SLC35A3: variants seen among roughly 807,000 people sequenced by gnomAD.
The protein encoded by SLC35A3 is solute carrier family 35 member A3, also known as UDP-N-acetylglucosamine transporter.
Under a neutral mutation model 39.0 loss-of-function variants are expected in SLC35A3, and 26 were observed. That is an observed-to-expected ratio of 0.67 (90% CI 0.49 to 0.92). SLC35A3 has a LOEUF of 0.92. SLC35A3 is among the 40% of genes least tolerant of loss of function. SLC35A3 has a pLI of 0.00. For missense variants in SLC35A3, 299 were observed against 371.6 expected, an observed-to-expected ratio of 0.80 and a Z score of 1.61; for synonymous variants, 135 against 133.1, an observed-to-expected ratio of 1.01 and a Z score of -0.10.
At position 100,024,972 on chromosome 1, in the gene SLC35A3, T is replaced by C. The variant is rs1367017892; in HGVS notation, c.*2496T>C. On this transcript the variant is annotated 3_prime_UTR_variant, in exon 8 of 8. Transcript: ENST00000533028. Reference sequence around the variant, plus strand: ...TGCTTTTGCAGTAATAGTCTACAGATTGCAGGTCTCATCAATTCCATCCAA... The same window carrying C: ...TGCTTTTGCAGTAATAGTCTACAGACTGCAGGTCTCATCAATTCCATCCAA... 1.6e-5 allele frequency: 5 copies of C among 314,640 alleles called. No homozygotes were observed. The highest frequency in any genetic ancestry group is 2.9e-5 in the Non-Finnish European group (5 of 174,700). 19.5% of individuals were successfully genotyped at this position (314,640 alleles called of 1,614,324 possible). A position where few individuals can be genotyped will look rare whatever the true frequency, so the allele number is the denominator to read the frequency against.
intron 5 of SLC35A3, among the ~76,000 whole-genome samples, chr1:100,014,743 A>G (rs777368507): frequency 6.6e-6 from 1 of 152,184 alleles, no homozygotes; most frequent in Non-Finnish European, 1.5e-5. Context: ...TTGGTAATGT[A>G]TGTTATTTTT....
rs1373737123 is a variant in SLC35A3 at position 100,032,386 on chromosome 1, A to G, written c.*9910A>G. 1 of 152,170 alleles carries G rather than the reference A, an allele frequency of 6.6e-6. No individual in the cohort carries two copies. Among genetic ancestry groups the G allele is most frequent in the East Asian group, 1.9e-4 (1 of 5,204 alleles). 9.4% of individuals were successfully genotyped at this position (152,170 alleles called of 1,614,324 possible). A position where few individuals can be genotyped will look rare whatever the true frequency, so the allele number is the denominator to read the frequency against. ...ATATTCTTTTTTAAAATAAAAAAGTATATTTCCCTCCTGTTTCTCTAATAT... is the reference window on the plus strand; with the variant it reads ...ATATTCTTTTTTAAAATAAAAAAGTGTATTTCCCTCCTGTTTCTCTAATAT... On this transcript the variant is annotated 3_prime_UTR_variant, in exon 8 of 8. Coordinates refer to ENST00000533028, the MANE Select transcript of SLC35A3 (RefSeq NM_012243.3).
At chr1:99,993,318 A>G (rs1318460228) in intron 1 of SLC35A3, among the ~76,000 whole-genome samples, 1 of 151,896 alleles carries the variant, frequency 6.6e-6, no homozygotes, top group African/African-American at 2.4e-5. Context: ...TTTGTTTCCA[A>G]TTCAAGGTTT....
chr1:99,991,841 C>T (rs1391049291), intron 1 of SLC35A3, among the ~76,000 whole-genome samples: 1 of 152,114 alleles, frequency 6.6e-6, no homozygotes, highest in African/African-American at 2.4e-5. Flanking sequence ...CTTCACCTCC[C>T]GAGTTCAAGC....
rs781326156 is a variant in SLC35A3, at chr1:100,015,428, A to G, written c.753+8A>G. The G allele has an allele frequency of 1.9e-5, 30 of 1,594,452 alleles. No individual in the cohort carries two copies. The Admixed American group carries it at 4.7e-4, about 25-fold the overall frequency. On this transcript the variant is annotated splice_region_variant and intron_variant, in intron 6 of 7. Coordinates refer to ENST00000533028, the MANE Select transcript of SLC35A3 (RefSeq NM_012243.3). Reference sequence around the variant, plus strand: ...ATAGTAGTTGTTCTTCAGGTAAAGCATTTAAAGTCTTAGATTTAATGCTAA... The same window carrying G: ...ATAGTAGTTGTTCTTCAGGTAAAGCGTTTAAAGTCTTAGATTTAATGCTAA...
rs1661298972 is a variant in SLC35A3, at chr1:100,032,563, T to TGAGATGGAGTTTCACTCTGTCACCC, written c.*10088_*10112dup. On this transcript the variant is annotated 3_prime_UTR_variant, in exon 8 of 8. Coordinates refer to ENST00000533028, the MANE Select transcript of SLC35A3 (RefSeq NM_012243.3). ...AGCAAGCTAGCTCTTGGGTTTTTTT[T>TGAGATGGAGTTTCACTCTGTCACCC]GAGATGGAGTTTCACTCTGTCACCC... 6.6e-6 allele frequency: 1 copy of TGAGATGGAGTTTCACTCTGTCACCC among 152,256 alleles called. No homozygotes were observed. The highest frequency in any genetic ancestry group is 2.4e-5 in the African/African-American group (1 of 41,440). 9.4% of individuals were successfully genotyped at this position (152,256 alleles called of 1,614,324 possible).
intron 7 of SLC35A3, 53 bp downstream of exon 7, chr1:100,017,868 A>G (rs1023907141): frequency 1.2e-4 from 143 of 1,181,944 alleles, no homozygotes; most frequent in Non-Finnish European, 1.6e-4. Context: ...TAGAAAAATT[A>G]GAATTCTTTG....
chr1:99,988,508 G>T (rs1218084381), intron 1 of SLC35A3, among the ~76,000 whole-genome samples: 1 of 152,068 alleles, frequency 6.6e-6, no homozygotes, highest in Non-Finnish European at 1.5e-5. Context: ...AAATATTGTT[G>T]TGAACATGTG....
rs952229814 is a variant in SLC35A3, at chr1:100,034,934, C to T, written c.*12458C>T. 2 of 152,124 alleles carry T rather than the reference C, an allele frequency of 1.3e-5. No individual in the cohort carries two copies. The highest frequency in any genetic ancestry group is 4.8e-5 in the African/African-American group (2 of 41,410). The allele number at this position is 152,124 out of a possible 1,614,324, so 9.4% of individuals were successfully genotyped here. On this transcript the variant is annotated 3_prime_UTR_variant, in exon 8 of 8. Transcript: ENST00000533028. ...ATTAATTTTCAAAACTTCCAATATC[C>T]TTCCAAATAATTCCCTTTTGCTTAC...
At chr1:99,977,607 A>T (rs1474058486) in intron 1 of SLC35A3, among the ~76,000 whole-genome samples, 2 of 151,952 alleles carry the variant, frequency 1.3e-5, no homozygotes, top group Non-Finnish European at 2.9e-5. Flanking sequence ...CAGTGATGTG[A>T]TTACAGCTCA....
At chr1:99,974,536 G>A (rs1312587420) in intron 1 of SLC35A3, among the ~76,000 whole-genome samples, 1 of 151,942 alleles carries the variant, frequency 6.6e-6, no homozygotes, top group African/African-American at 2.4e-5. Flanking sequence ...TATTATGTTG[G>A]CTTGGCTGGT....
At chr1:99,970,577 A>T (rs11166383) in intron 1 of SLC35A3, 9 of 1,535,878 alleles carry the variant, frequency 5.9e-6, no homozygotes, top group Admixed American at 2.0e-5. Context: ...GTAGGCACAG[A>T]TGCACCCGAC....
intron 1 of SLC35A3, among the ~76,000 whole-genome samples, chr1:99,979,436 T>C (rs926497130): frequency 6.6e-6 from 1 of 150,940 alleles, no homozygotes; most frequent in Non-Finnish European, 1.5e-5. Context: ...CTTTCTTTTT[T>C]TTTTTTTTTT....
Position 100,033,471 on chromosome 1 carries a change from GTTTCTT to G in SLC35A3, c.*10999_*11004del, listed in dbSNP as rs1661360935. ...TAGTTTTCCAATTTATCTTTCATGT[GTTTCTT>G]TTTAAAAAGCAAACAAATATGCATA... On this transcript the variant is annotated 3_prime_UTR_variant, in exon 8 of 8. Coordinates refer to ENST00000533028, the MANE Select transcript of SLC35A3 (RefSeq NM_012243.3). 1 of 151,902 alleles carries G rather than the reference GTTTCTT, an allele frequency of 6.6e-6. No homozygotes were observed. The highest frequency in any genetic ancestry group is 2.4e-5 in the African/African-American group (1 of 41,344). The allele number at this position is 151,902 out of a possible 1,614,324, so 9.4% of individuals were successfully genotyped here.
chr1:99,977,108 A>G (rs1370409046), intron 1 of SLC35A3, among the ~76,000 whole-genome samples: 3 of 152,148 alleles, frequency 2.0e-5, no homozygotes, highest in South Asian at 2.1e-4. Context: ...AAAGAAAACT[A>G]TTTTAAGGCC....
At chr1:100,019,982 A>C (rs950193075) in intron 7 of SLC35A3, among the ~76,000 whole-genome samples, 1 of 152,170 alleles carries the variant, frequency 6.6e-6, no homozygotes, top group African/African-American at 2.4e-5. Flanking sequence ...CCTGCTGGCC[A>C]CTGTGCTAGC....
In SLC35A3 at chr1:100,023,753, A is replaced by C. The variant is rs1660705993; in HGVS notation, c.*1277A>C. On this transcript the variant is annotated 3_prime_UTR_variant, in exon 8 of 8. Transcript: ENST00000533028. ...GCCTGGCGCAGTGGCTCACGCCTGT[A>C]ATCCTAGCAGTTTGGGAGGCTGAGG... is the stretch of plus-strand genomic sequence containing the variant. The C allele has an allele frequency of 6.6e-6, 1 of 152,368 alleles. No individual in the cohort carries two copies. Among genetic ancestry groups the C allele is most frequent in the African/African-American group, 2.4e-5 (1 of 41,476 alleles). 9.4% of individuals were successfully genotyped at this position (152,368 alleles called of 1,614,324 possible). A position where few individuals can be genotyped will look rare whatever the true frequency, so the allele number is the denominator to read the frequency against.
chr1:100,012,171 C>A (rs551191718), intron 5 of SLC35A3, among the ~76,000 whole-genome samples: 1 of 151,988 alleles, frequency 6.6e-6, no homozygotes, highest in African/African-American at 2.4e-5. Context: ...GTAATCCCAG[C>A]TAATCTGGAG....
chr1:100,011,597 C>A, intron 5 of SLC35A3, 64 bp downstream of exon 5: 1 of 551,960 alleles, frequency 1.8e-6, no homozygotes. Context: ...TTAAAGATTT[C>A]TATATATCTT....
Sources: gnomAD v4.1 joint callset for allele counts (sites outside exome capture counted in the v4.1 genomes callset) on GRCh38, gnomAD v4.1.1 for gene constraint, MANE v1.5 for transcripts, NCBI Gene and HGNC (gene_info 2026-07-23, HGNC 2026-07-21) for gene names.